The following ABCA12 variants were observed in gnomAD, a reference collection of about 807,000 sequenced individuals.
ABCA12 encodes the protein ATP binding cassette subfamily A member 12, also known as glucosylceramide transporter ABCA12.
In ABCA12, 156 loss-of-function variants were observed where a neutral mutation model predicts 293.5. The ratio of observed to expected loss-of-function variants is 0.53; its 90% CI spans 0.47 to 0.61. The LOEUF is 0.61. Among genes scored for constraint, ABCA12 ranks in the 20% least tolerant of loss-of-function variants. The probability of loss-of-function intolerance (pLI) is 0.00; values close to 1 mark genes in which losing one functional copy is unlikely to be tolerated. For synonymous variants in ABCA12, 1,063 were observed against 1,108.0 expected, an observed-to-expected ratio of 0.96 and a Z score of 0.81; for missense variants, 2,797 against 3,090.2, an observed-to-expected ratio of 0.91 and a Z score of 2.25.
intron 1 of ABCA12, among the ~76,000 whole-genome samples, chr2:215,116,670 G>C (rs1035702686): frequency 2.6e-5 from 4 of 152,118 alleles, no homozygotes; most frequent in Non-Finnish European, 4.4e-5. Flanking sequence ...AGCTTAATGA[G>C]GAATGGAGTA....
intron 18 of ABCA12, among the ~76,000 whole-genome samples, chr2:215,009,895 G>A (rs914848445): frequency 3.3e-5 from 5 of 152,266 alleles, no homozygotes; most frequent in East Asian, 3.9e-4. Flanking sequence ...TAAATGAGAC[G>A]TTAAATTGTA....
intron 1 of ABCA12, among the ~76,000 whole-genome samples, chr2:215,117,246 A>C (rs1240758659): frequency 6.6e-6 from 1 of 152,222 alleles, no homozygotes; most frequent in African/African-American, 2.4e-5. Context: ...CAAGAGATGA[A>C]GAAACAGAAA....
At chr2:215,000,560 A>T in intron 22 of ABCA12, 145 bp downstream of exon 22, 1 of 841,470 alleles carries the variant, frequency 1.2e-6, no homozygotes, top group African/African-American at 1.7e-5. Flanking sequence ...TATGCCCTAT[A>T]GTGTGAACTC....
chr2:214,949,798 G>A (rs566962342), intron 45 of ABCA12, among the ~76,000 whole-genome samples: 1 of 152,312 alleles, frequency 6.6e-6, no homozygotes, highest in African/African-American at 2.4e-5. Context: ...CCCTGAACAG[G>A]CTTCCTGACC....
chr2:214,933,928 T>C (rs1195044033), intron 52 of ABCA12, 150 bp downstream of exon 52: 2 of 773,682 alleles, frequency 2.6e-6, no homozygotes, highest in Non-Finnish European at 4.1e-6. Flanking sequence ...AAGTGAGAAA[T>C]TGATTAGGCT....
At chr2:215,110,509 C>T (rs10180970) in intron 2 of ABCA12, among the ~76,000 whole-genome samples, 109,659 of 152,144 alleles carry the variant, frequency 0.72, 47,235 homozygotes, top group East Asian at 0.97. Flanking sequence ...AGTGAGACTA[C>T]GTCTCGACAA....
At chr2:215,039,004 C>CAAAACATCATCA (rs1437447569) in intron 7 of ABCA12, 1 of 151,898 alleles carries the variant, frequency 6.6e-6, no homozygotes, top group Admixed American at 6.5e-5. Context: ...ATCATCAAAA[C>CAAAACATCATCA]AAAACATCAT....
intron 47 of ABCA12, chr2:214,947,857 T>G: frequency 2.6e-6 from 1 of 388,402 alleles, no homozygotes; most frequent in Non-Finnish European, 4.9e-6. Flanking sequence ...CACAAGATTC[T>G]CTAGTAAGGC....
intron 1 of ABCA12, among the ~76,000 whole-genome samples, chr2:215,134,315 T>C (rs1473853050): frequency 1.4e-5 from 2 of 147,606 alleles, no homozygotes; most frequent in East Asian, 2.0e-4. Context: ...CGTATATGTG[T>C]ATATATGTAT....
chr2:215,018,399 A>C (rs1483316567), intron 13 of ABCA12, among the ~76,000 whole-genome samples: 1 of 152,246 alleles, frequency 6.6e-6, no homozygotes, highest in South Asian at 2.1e-4. Flanking sequence ...GGTTTATTTA[A>C]GGAAAATATG....
chr2:214,932,768 T>C (rs574551072), intron 52 of ABCA12, 27 bp from the exon 53 acceptor site: 1 of 1,530,016 alleles, frequency 6.5e-7, no homozygotes, highest in East Asian at 2.3e-5. Flanking sequence ...AATAAAGCCA[T>C]TAATGCCTGG....
chr2:215,045,247 T>C (rs761401847), intron 7 of ABCA12, among the ~76,000 whole-genome samples: 4 of 152,202 alleles, frequency 2.6e-5, no homozygotes, highest in South Asian at 4.1e-4. Context: ...AGATCTCTTT[T>C]ACGAATAAAG....
chr2:215,049,447 C>A (rs929278433), intron 6 of ABCA12, among the ~76,000 whole-genome samples, 179 bp downstream of exon 6: 1 of 152,132 alleles, frequency 6.6e-6, no homozygotes, highest in African/African-American at 2.4e-5. Flanking sequence ...ATCGTTTCAA[C>A]CTTTCACATT....
rs1460276077 is a variant in ABCA12, at chr2:214,968,701, A to T, written c.5778+19T>A. ...CCTTCTCATTTGTATAACATTCCAGAAAAAAGATCAAAATTTACCTTGGCA... is the reference window on the plus strand; with the variant it reads ...CCTTCTCATTTGTATAACATTCCAGTAAAAAGATCAAAATTTACCTTGGCA... On this transcript the variant is annotated intron_variant, in intron 38 of 52. Coordinates refer to ENST00000272895, the MANE Select transcript of ABCA12 (RefSeq NM_173076.3). The T allele has an allele frequency of 6.8e-6, 11 of 1,609,436 alleles. No homozygotes were observed. The highest frequency in any genetic ancestry group is 9.4e-6 in the Non-Finnish European group (11 of 1,176,094).
intron 6 of ABCA12, among the ~76,000 whole-genome samples, chr2:215,048,675 C>T (rs73074407): frequency 0.059 from 9,014 of 152,124 alleles, 876 homozygotes; most frequent in African/African-American, 0.2. Flanking sequence ...TGCCCTCCAG[C>T]CTGAGTGACA....
At chr2:215,116,239 C>T (rs1054144419) in intron 1 of ABCA12, among the ~76,000 whole-genome samples, 5 of 152,044 alleles carry the variant, frequency 3.3e-5, no homozygotes, top group African/African-American at 1.2e-4. Flanking sequence ...CTTCTTTGTC[C>T]AATTCCTGAA....
rs779284944 is a variant in ABCA12 at position 214,987,640 on chromosome 2, G to A, written c.3976+7C>T. The A allele has an allele frequency of 1.9e-6, 3 of 1,610,442 alleles. No individual in the cohort carries two copies. Among genetic ancestry groups the A allele is most frequent in the Non-Finnish European group, 1.7e-6 (2 of 1,177,118 alleles). ...AACAAAGCACGCTGTTGACCGACTT[G>A]TCTTACTGGCAGATGGGTTGGTGTT... On this transcript the variant is annotated splice_region_variant and intron_variant, in intron 27 of 52. Coordinates refer to ENST00000272895, the MANE Select transcript of ABCA12 (RefSeq NM_173076.3).
intron 16 of ABCA12, 150 bp from the exon 17 acceptor site, chr2:215,011,799 C>G: frequency 8.8e-7 from 1 of 1,139,270 alleles, no homozygotes; most frequent in South Asian, 1.3e-5. Flanking sequence ...AAATGAAGAA[C>G]AATAAACTTC....
intron 49 of ABCA12, among the ~76,000 whole-genome samples, chr2:214,944,664 C>T (rs546901478): frequency 1.8e-4 from 27 of 151,776 alleles, no homozygotes; most frequent in Non-Finnish European, 2.8e-4. Flanking sequence ...GAGCCACAGA[C>T]GAGTTAAGAG....
Sources: allele counts gnomAD v4.1 joint callset (sites outside exome capture counted in the v4.1 genomes callset), GRCh38; gene constraint gnomAD v4.1.1; transcripts MANE v1.5; gene names NCBI Gene and HGNC (gene_info 2026-07-23, HGNC 2026-07-21).